IGF2BP1: variants seen among roughly 807,000 people sequenced by gnomAD.
IGF2BP1 encodes the protein insulin-like growth factor 2 mRNA-binding protein 1.
Under a neutral mutation model 74.9 loss-of-function variants are expected in IGF2BP1, and 11 were observed. The ratio of observed to expected loss-of-function variants is 0.15; its 90% CI spans 0.09 to 0.24. The LOEUF is 0.24. Ranked by LOEUF, IGF2BP1 falls within the 10% of genes least tolerant of loss-of-function variation. The pLI, the probability that IGF2BP1 is intolerant of heterozygous loss-of-function variation, is 1.00. For missense variants in IGF2BP1, 440 were observed against 757.4 expected, an observed-to-expected ratio of 0.58 and a Z score of 4.92; for synonymous variants, 287 against 281.8, an observed-to-expected ratio of 1.02 and a Z score of -0.18.
chr17:49,015,362 C>T (rs1255598403), intron 2 of IGF2BP1, among the ~76,000 whole-genome samples: 1 of 152,158 alleles, frequency 6.6e-6, no homozygotes, highest in Non-Finnish European at 1.5e-5. Flanking sequence ...GAGGCGGGGC[C>T]GGGCCAGAGA....
chr17:49,031,687 T>C lies in IGF2BP1; in HGVS notation c.338-223T>C, dbSNP rs556726956. ...ACGCCCGGCTACTTTTTGTATTTTTTAGTAGAGACAGGGTTTCACTGTGTT... is the reference window on the plus strand; with the variant it reads ...ACGCCCGGCTACTTTTTGTATTTTTCAGTAGAGACAGGGTTTCACTGTGTT... On this transcript the variant is annotated intron_variant, in intron 4 of 14. Transcript: ENST00000290341. 3.9e-5 allele frequency among the ~76,000 whole-genome samples: 6 copies of C among 152,080 alleles called. No homozygotes were observed. In the South Asian group the frequency reaches 1.0e-3, roughly 26 times the overall value.
intron 2 of IGF2BP1, among the ~76,000 whole-genome samples, chr17:49,001,562 A>C (rs2041488147): frequency 6.6e-6 from 1 of 152,164 alleles, no homozygotes; most frequent in Non-Finnish European, 1.5e-5. Flanking sequence ...TGATACATAT[A>C]ATTTGTACCT....
chr17:49,033,315 G>A (rs893468750), intron 5 of IGF2BP1, among the ~76,000 whole-genome samples: 4 of 151,268 alleles, frequency 2.6e-5, no homozygotes, highest in Non-Finnish European at 5.9e-5. Flanking sequence ...TGCCCGGCTG[G>A]CTAATTTTTT....
At chr17:49,007,682 A>T (rs2041566313) in intron 2 of IGF2BP1, among the ~76,000 whole-genome samples, 1 of 151,994 alleles carries the variant, frequency 6.6e-6, no homozygotes, top group Non-Finnish European at 1.5e-5. Context: ...TCCATTCGGG[A>T]CTCTGAGGAA....
At chr17:49,017,955 G>A (rs1022141672) in intron 2 of IGF2BP1, 32 of 152,244 alleles carry the variant, frequency 2.1e-4, no homozygotes, top group African/African-American at 7.7e-4. Context: ...TAGAGACAGG[G>A]TTTCGCCATG....
At chr17:49,033,222 C>G (rs1038390571) in intron 5 of IGF2BP1, among the ~76,000 whole-genome samples, 10 of 152,180 alleles carry the variant, frequency 6.6e-5, no homozygotes, top group African/African-American at 2.2e-4. Flanking sequence ...AATCTTGGCT[C>G]ACTGCAACCT....
intron 10 of IGF2BP1, 149 bp downstream of exon 10, chr17:49,043,699 C>G: frequency 2.9e-6 from 3 of 1,042,436 alleles, no homozygotes; most frequent in Non-Finnish European, 2.7e-6. Context: ...CTCCAGTGCT[C>G]CTAGCCACTG....
rs1462753280 is a variant in IGF2BP1, at chr17:49,025,614, T to C, written c.237-4T>C. ...CTTTAACTCTGCTCCCCCTTTACTT[T>C]CAGGAGCCGGAAAATTCAAATCCGA... On this transcript the variant is annotated splice_region_variant and splice_polypyrimidine_tract_variant and intron_variant, in intron 2 of 14. Coordinates refer to ENST00000290341, the MANE Select transcript of IGF2BP1 (RefSeq NM_006546.4). 6.2e-7 allele frequency: 1 copy of C among 1,612,386 alleles called. No individual in the cohort carries two copies.
chr17:49,046,458 T>C, intron 14 of IGF2BP1, 85 bp downstream of exon 14: 1 of 1,026,874 alleles, frequency 9.7e-7, no homozygotes, highest in Non-Finnish European at 1.5e-6. Flanking sequence ...TTGACCTTCA[T>C]GACGTTGACA....
At chr17:49,038,933 A>C (rs1320828866) in intron 6 of IGF2BP1, among the ~76,000 whole-genome samples, 2 of 141,318 alleles carry the variant, frequency 1.4e-5, no homozygotes, top group Non-Finnish European at 3.0e-5. Flanking sequence ...GCTGGAGTGC[A>C]GTGGTGCGAT....
chr17:49,014,997 C>T (rs2041677511), intron 2 of IGF2BP1: 2 of 952,768 alleles, frequency 2.1e-6, no homozygotes, highest in African/African-American at 3.6e-5. Context: ...CAGCTCCATC[C>T]TCGGCCGGGC....
intron 5 of IGF2BP1, among the ~76,000 whole-genome samples, chr17:49,033,037 G>A (rs964343575): frequency 3.3e-5 from 5 of 152,152 alleles, no homozygotes; most frequent in Non-Finnish European, 5.9e-5. Flanking sequence ...AGCTGGTCTC[G>A]AACGGCTCAA....
At chr17:49,039,829 A>G in intron 6 of IGF2BP1, 128 bp from the exon 7 acceptor site, 6 of 972,236 alleles carry the variant, frequency 6.2e-6, no homozygotes, top group Non-Finnish European at 9.3e-6. Context: ...CCAAAGTTGT[A>G]CTTGATTGTC....
At chr17:49,033,330 T>A (rs1055089031) in intron 5 of IGF2BP1, among the ~76,000 whole-genome samples, 22 of 151,104 alleles carry the variant, frequency 1.5e-4, no homozygotes, top group Admixed American at 4.6e-4. Context: ...TTTTTTTTTT[T>A]AATCTTTTAA....
chr17:49,046,469 A>T, intron 14 of IGF2BP1, 96 bp downstream of exon 14: 2 of 888,252 alleles, frequency 2.3e-6, no homozygotes. Context: ...GACGTTGACA[A>T]GTCCTGGGGC....
In IGF2BP1 at chr17:49,019,929, TA is replaced by T. The variant is rs1288027001; in HGVS notation, c.237-5688del. On this transcript the variant is annotated intron_variant, in intron 2 of 14. Transcript: ENST00000290341. The stretch of plus-strand genomic sequence containing the variant: ...TTATATATATATATATATATATATA[TA>T]TATATATATATATATATATTTATAT... 5.7e-4 allele frequency among the ~76,000 whole-genome samples: 36 copies of T among 62,860 alleles called. 1 individual carries two copies. Among genetic ancestry groups the T allele is most frequent in the South Asian group, 1.2e-3 (3 of 2,452 alleles). The allele number at this position is 62,860 out of a possible 152,430, so 41.2% of individuals were successfully genotyped here.
chr17:49,017,377 C>T (rs2041719305), intron 2 of IGF2BP1, among the ~76,000 whole-genome samples: 1 of 152,018 alleles, frequency 6.6e-6, no homozygotes, highest in African/African-American at 2.4e-5. Flanking sequence ...TAGCACAGTG[C>T]CCAGCACTGT....
chr17:49,010,392 C>G lies in IGF2BP1; in HGVS notation c.236+11223C>G, dbSNP rs572770286. On this transcript the variant is annotated intron_variant, in intron 2 of 14. Transcript: ENST00000290341. The stretch of plus-strand genomic sequence containing the variant: ...AGTGCAGGGGCACGATCTTGGCTCA[C>G]TGCAAGCTCCGCCTCCCGGGTTCAC... Among the ~76,000 whole-genome samples, 248 of 148,830 alleles carry G rather than the reference C, an allele frequency of 1.7e-3. 1 individual carries two copies. Among genetic ancestry groups the G allele is most frequent in the Admixed American group, 7.5e-3 (112 of 14,928 alleles).
intron 2 of IGF2BP1, among the ~76,000 whole-genome samples, chr17:49,009,709 T>TA (rs527469546): frequency 5.2e-4 from 77 of 147,670 alleles, no homozygotes; most frequent in African/African-American, 9.2e-4. Flanking sequence ...AACTCCATCT[T>TA]AAAAAAAAAA....
Sources: allele counts gnomAD v4.1 joint callset (sites outside exome capture counted in the v4.1 genomes callset), GRCh38; gene constraint gnomAD v4.1.1; transcripts MANE v1.5; gene names NCBI Gene and HGNC (gene_info 2026-07-23, HGNC 2026-07-21).